MEGF11: variants seen among roughly 807,000 people sequenced by gnomAD.
MEGF11 encodes multiple epidermal growth factor-like domains protein 11.
A neutral mutation model predicts 146.6 loss-of-function variants in MEGF11; 126 were observed. The ratio of observed to expected loss-of-function variants is 0.86; its 90% confidence interval spans 0.74 to 1.00. The LOEUF is 1.00. MEGF11 is among the 50% of genes least tolerant of loss of function. MEGF11 has a pLI of 0.00. For missense variants in MEGF11, 1,509 were observed against 1,521.2 expected (o/e 0.99, Z 0.13); for synonymous variants, 532 against 583.4 (o/e 0.91, Z 1.27).
At position 65,989,959 on chromosome 15, in the gene MEGF11, C is replaced by T. The variant is rs141167928; in HGVS notation, c.395-7471G>A. On this transcript the variant is annotated intron_variant, in intron 5 of 25. Transcript: ENST00000395614. Reference sequence around the variant, plus strand: ...CTGTAATCCCAAAACTTTGGGAGGCCGAGGAAGGAGGATCACTGAGATTAG... The same window carrying T: ...CTGTAATCCCAAAACTTTGGGAGGCTGAGGAAGGAGGATCACTGAGATTAG... Among the ~76,000 whole-genome samples, 296 of 152,148 alleles carry T rather than the reference C, an allele frequency of 1.9e-3. 1 individual carries two copies. The highest frequency in any genetic ancestry group is 6.7e-3 in the African/African-American group (280 of 41,500).
At chr15:66,204,472 G>A (rs1378102298) in intron 1 of MEGF11, among the ~76,000 whole-genome samples, 1 of 152,176 alleles carries the variant, frequency 6.6e-6, no homozygotes, top group Non-Finnish European at 1.5e-5. Context: ...TCCAGGCCTT[G>A]TGATACCAGT....
At chr15:66,015,962 C>T (rs1226925883) in intron 5 of MEGF11, among the ~76,000 whole-genome samples, 3 of 135,444 alleles carry the variant, frequency 2.2e-5, no homozygotes, top group Non-Finnish European at 4.7e-5. Flanking sequence ...GTAGATTCAT[C>T]AGAGCCCACC....
chr15:65,933,521 TCTG>T (rs1197493834), intron 10 of MEGF11, among the ~76,000 whole-genome samples: 1 of 152,194 alleles, frequency 6.6e-6, no homozygotes, highest in East Asian at 1.9e-4. Flanking sequence ...GCTCGACACA[TCTG>T]CTCCCCACAA....
At position 65,974,852 on chromosome 15, in the gene MEGF11, T is replaced by C. The variant is rs1000691655; in HGVS notation, c.763-4163A>G. Among the ~76,000 whole-genome samples, 4 of 47,756 alleles carry C rather than the reference T, an allele frequency of 8.4e-5. No individual in the cohort carries two copies. In the Admixed American group the frequency reaches 9.1e-4, roughly 11 times the overall value. 31.3% of individuals were successfully genotyped at this position (47,756 alleles called of 152,430 possible). A position where few individuals can be genotyped will look rare whatever the true frequency, so the allele number is the denominator to read the frequency against. On this transcript the variant is annotated intron_variant, in intron 7 of 25. Transcript: ENST00000395614. Reference sequence around the variant, plus strand: ...GATAAGGACACTCTTGGAAAAACTTTCTTTTTTTTTGAGATGGAGTTTCGC... The same window carrying C: ...GATAAGGACACTCTTGGAAAAACTTCCTTTTTTTTTGAGATGGAGTTTCGC...
intron 1 of MEGF11, among the ~76,000 whole-genome samples, chr15:66,192,079 A>AAAAT (rs1208865922): frequency 6.6e-6 from 1 of 152,084 alleles, no homozygotes; most frequent in African/African-American, 2.4e-5. Context: ...CTCCGTCTCA[A>AAAAT]AAATAAATAA....
At chr15:66,048,190 C>T (rs1019033094) in intron 5 of MEGF11, among the ~76,000 whole-genome samples, 3 of 152,216 alleles carry the variant, frequency 2.0e-5, no homozygotes, top group African/African-American at 7.2e-5. Context: ...AAGTGATCTG[C>T]CCGCCTTGGC....
At chr15:65,969,905 CTT>C (rs1373322974) in intron 8 of MEGF11, among the ~76,000 whole-genome samples, 1 of 152,098 alleles carries the variant, frequency 6.6e-6, no homozygotes, top group Non-Finnish European at 1.5e-5. Flanking sequence ...CTTTTTCCAG[CTT>C]CCAATCTACT....
chr15:66,046,831 C>T (rs1462162862), intron 5 of MEGF11, among the ~76,000 whole-genome samples: 2 of 152,176 alleles, frequency 1.3e-5, no homozygotes, highest in Non-Finnish European at 2.9e-5. Context: ...ATATTTTTCC[C>T]TCCCCTCTGC....
Position 66,231,313 on chromosome 15 carries a change from C to T in MEGF11, c.-9+22292G>A, listed in dbSNP as rs545772545. ...CATGAAGGAGTGTGCTGCAGATGAA[C>T]CCCCCTGAGGGCTGACAGAAGTAGG... On this transcript the variant is annotated intron_variant, in intron 1 of 25. Coordinates refer to ENST00000395614, the MANE Select transcript of MEGF11 (RefSeq NM_001385028.1). Among the ~76,000 whole-genome samples, 56 of 151,878 alleles carry T rather than the reference C, an allele frequency of 3.7e-4. 3 individuals carry two copies. The South Asian group carries it at 0.011, about 30-fold the overall frequency.
At chr15:66,218,979 C>CAAAAAAAAAAAAAAAAAACCTT (rs71139474) in intron 1 of MEGF11, among the ~76,000 whole-genome samples, 1 of 86,942 alleles carries the variant, frequency 1.2e-5, no homozygotes, top group African/African-American at 6.3e-5. Context: ...TATCCACAGG[C>CAAAAAAAAAAAAAAAAAACCTT]AAAAAAAAAA....
rs564862355 is a variant in MEGF11, at chr15:65,989,130, C to CT, written c.395-6643dup. ...TTGAAAAGCTCCCCAGGTGAGAACT[C>CT]TTTTTTCCCATGATCTCTGTTCTCA... On this transcript the variant is annotated intron_variant, in intron 5 of 25. Transcript: ENST00000395614. 2.1e-3 allele frequency among the ~76,000 whole-genome samples: 322 copies of CT among 152,290 alleles called. 1 individual carries two copies. The highest frequency in any genetic ancestry group is 7.3e-3 in the African/African-American group (303 of 41,550).
chr15:66,247,102 C>A (rs888922766), intron 1 of MEGF11, among the ~76,000 whole-genome samples: 3 of 152,268 alleles, frequency 2.0e-5, no homozygotes, highest in East Asian at 3.9e-4. Context: ...CCTATCCATA[C>A]TTAAGTGCTG....
chr15:65,944,314 G>C (rs932432611), intron 10 of MEGF11, among the ~76,000 whole-genome samples: 9 of 152,340 alleles, frequency 5.9e-5, no homozygotes, highest in Middle Eastern at 3.4e-3. Flanking sequence ...AAGACAGCAA[G>C]AAGGCTTTAT....
intron 1 of MEGF11, among the ~76,000 whole-genome samples, chr15:66,250,352 T>C (rs1369778582): frequency 1.3e-5 from 2 of 152,180 alleles, no homozygotes; most frequent in East Asian, 3.8e-4. Context: ...AATTCCCTAT[T>C]ATATTGTCCC....
chr15:66,088,453 G>A (rs2086199202), intron 5 of MEGF11, among the ~76,000 whole-genome samples: 1 of 152,164 alleles, frequency 6.6e-6, no homozygotes, highest in Non-Finnish European at 1.5e-5. Context: ...GGAGTTCAAG[G>A]TCAGCTTGGC....
intron 5 of MEGF11, among the ~76,000 whole-genome samples, chr15:66,081,288 T>C (rs905837992): frequency 2.6e-5 from 4 of 152,198 alleles, no homozygotes; most frequent in African/African-American, 4.8e-5. Flanking sequence ...CACCAGGGCC[T>C]CGGATTAGGT....
intron 5 of MEGF11, among the ~76,000 whole-genome samples, chr15:66,001,255 G>A (rs1356711768): frequency 6.6e-6 from 1 of 152,164 alleles, no homozygotes; most frequent in African/African-American, 2.4e-5. Context: ...AAGTTTCTCT[G>A]TGTCTATTCT....
intron 4 of MEGF11, among the ~76,000 whole-genome samples, chr15:66,098,297 C>A (rs2086637933): frequency 6.6e-6 from 1 of 152,168 alleles, no homozygotes; most frequent in African/African-American, 2.4e-5. Flanking sequence ...CCTTCCCTAA[C>A]CAAAGGTGGC....
chr15:65,919,279 T>C (rs967207927), intron 15 of MEGF11, among the ~76,000 whole-genome samples: 1 of 152,236 alleles, frequency 6.6e-6, no homozygotes, highest in African/African-American at 2.4e-5. Context: ...TTTCTTTATG[T>C]AGTCAACAAA....
Sources: gnomAD v4.1 joint callset for allele counts (sites outside exome capture counted in the v4.1 genomes callset) on GRCh38, gnomAD v4.1.1 for gene constraint, MANE v1.5 for transcripts, NCBI Gene and HGNC (gene_info 2026-07-23, HGNC 2026-07-21) for gene names.